The following DTNB variants were observed in gnomAD, a reference collection of about 807,000 sequenced individuals.
The protein encoded by DTNB is DTN-B.
In DTNB, 63 loss-of-function variants were observed where a neutral mutation model predicts 90.7. That is an observed-to-expected ratio of 0.69 (90% confidence interval 0.57 to 0.86). The LOEUF is 0.86. Among genes scored for constraint, DTNB ranks in the 40% least tolerant of loss-of-function variants. The pLI is 0.00. For synonymous variants in DTNB, 277 were observed against 286.7 expected, an observed-to-expected ratio of 0.97 and a Z score of 0.34; for missense variants, 744 against 807.1, an observed-to-expected ratio of 0.92 and a Z score of 0.95.
chr2:25,442,981 A>G (rs1366372754), intron 12 of DTNB, among the ~76,000 whole-genome samples: 1 of 152,236 alleles, frequency 6.6e-6, no homozygotes, highest in East Asian at 1.9e-4. Context: ...AGGTCAAAGC[A>G]GTCAGGCAGG....
rs551485046 is a variant in DTNB, at chr2:25,556,012, T to A, written c.876+20826A>T. On this transcript the variant is annotated intron_variant, in intron 8 of 20. Coordinates refer to ENST00000406818, the MANE Select transcript of DTNB (RefSeq NM_021907.5). ...TCCAGCTTGAGCAACAGAGTGAGAT[T>A]AAGTCTCAAAAAATATAAAAATAAA... 4.6e-5 allele frequency among the ~76,000 whole-genome samples: 7 copies of A among 152,108 alleles called. No homozygotes were observed. The South Asian group carries it at 1.5e-3, about 32-fold the overall frequency.
chr2:25,593,506 GT>G (rs1304689231), intron 6 of DTNB, among the ~76,000 whole-genome samples: 2 of 152,004 alleles, frequency 1.3e-5, no homozygotes, highest in Non-Finnish European at 2.9e-5. Context: ...TCCCCTGAGG[GT>G]TTTTTCTTTT....
At chr2:25,668,865 G>A (rs932732893) in intron 1 of DTNB, among the ~76,000 whole-genome samples, 42 of 146,292 alleles carry the variant, frequency 2.9e-4, no homozygotes, top group Middle Eastern at 3.6e-3. Context: ...TGGCCAAAAC[G>A]GGGAAACAAC....
In DTNB at chr2:25,628,220, C is replaced by T. The variant is rs1479864875; in HGVS notation, c.313G>A (p.Glu105Lys). The T allele has an allele frequency of 3.7e-6, 6 of 1,613,392 alleles. No homozygotes were observed. The East Asian group carries it at 1.1e-4, about 30-fold the overall frequency. The change falls in exon 4 of 21, where the codon GAA becomes AAA. Residue 105 changes from glutamate (E) to lysine (K), a missense_variant. Physicochemically the swap from Glu to Lys is moderately conservative, Grantham distance 56. Coordinates refer to ENST00000406818, the MANE Select transcript of DTNB (RefSeq NM_021907.5). Reference protein sequence around the residue: ...RLPSTHQISVEQSISLLLNFM... With the variant: ...RLPSTHQISVKQSISLLLNFM... ...TTGAGGAGGAGGCTGATAGATTGTT[C>T]CACACTAATTTGGTGAGTAGAAGGA...
intron 9 of DTNB, among the ~76,000 whole-genome samples, chr2:25,527,433 G>T (rs376247085): frequency 1.3e-5 from 2 of 151,966 alleles, no homozygotes; most frequent in Non-Finnish European, 2.9e-5. Flanking sequence ...TGAGGCAGAA[G>T]AATCACTTGA....
At chr2:25,524,773 G>A (rs759867648) in intron 9 of DTNB, among the ~76,000 whole-genome samples, 4 of 152,160 alleles carry the variant, frequency 2.6e-5, no homozygotes, top group African/African-American at 4.8e-5. Context: ...CTACACCATC[G>A]AACCACTGCC....
chr2:25,450,158 T>G (rs1358700230), intron 12 of DTNB, among the ~76,000 whole-genome samples: 1 of 152,228 alleles, frequency 6.6e-6, no homozygotes, highest in African/African-American at 2.4e-5. Flanking sequence ...ATACTTTTAG[T>G]AGCTTTATGG....
chr2:25,543,049 T>C (rs2081621300), intron 8 of DTNB, among the ~76,000 whole-genome samples: 1 of 152,206 alleles, frequency 6.6e-6, no homozygotes, highest in Non-Finnish European at 1.5e-5. Context: ...TGTCTTTTTA[T>C]CTTTGATAAA....
chr2:25,507,105 G>C (rs1163706810), intron 9 of DTNB, among the ~76,000 whole-genome samples: 1 of 152,168 alleles, frequency 6.6e-6, no homozygotes, highest in Non-Finnish European at 1.5e-5. Flanking sequence ...GTTTTCTCTT[G>C]TCTAAATATT....
chr2:25,557,980 A>G (rs920037946), intron 8 of DTNB, among the ~76,000 whole-genome samples: 7 of 152,216 alleles, frequency 4.6e-5, no homozygotes, highest in African/African-American at 1.4e-4. Context: ...GGAACTAAGA[A>G]CTGCAGAAAT....
chr2:25,550,635 T>C (rs2151100290), intron 8 of DTNB, among the ~76,000 whole-genome samples: 1 of 152,288 alleles, frequency 6.6e-6, no homozygotes, highest in African/African-American at 2.4e-5. Flanking sequence ...TGTTCTGAAA[T>C]AATTTTCAGA....
At chr2:25,378,358 C>A (rs1031255753) in intron 20 of DTNB, among the ~76,000 whole-genome samples, 1 of 152,162 alleles carries the variant, frequency 6.6e-6, no homozygotes, top group African/African-American at 2.4e-5. Flanking sequence ...CTCCTCAGCT[C>A]GCACAATCCA....
intron 1 of DTNB, among the ~76,000 whole-genome samples, chr2:25,661,843 C>G (rs1223789244): frequency 6.6e-6 from 1 of 152,054 alleles, no homozygotes; most frequent in African/African-American, 2.4e-5. Flanking sequence ...ACAGCAAAAG[C>G]AGTATCTAGT....
At chr2:25,414,489 C>T (rs1248604150) in intron 16 of DTNB, among the ~76,000 whole-genome samples, 3 of 152,110 alleles carry the variant, frequency 2.0e-5, no homozygotes, top group Non-Finnish European at 2.9e-5. Context: ...CTCCTGACCT[C>T]GTGATTCACC....
At chr2:25,524,112 G>A (rs1290792990) in intron 9 of DTNB, among the ~76,000 whole-genome samples, 1 of 151,914 alleles carries the variant, frequency 6.6e-6, no homozygotes, top group Non-Finnish European at 1.5e-5. Context: ...TGTTGGCCAG[G>A]CTGGTCTTGA....
At chr2:25,379,526 C>A in intron 19 of DTNB, 1 of 483,188 alleles carries the variant, frequency 2.1e-6, no homozygotes, top group East Asian at 3.5e-5. Context: ...CCCGAGGCAG[C>A]CATGGAGACA....
chr2:25,594,436 T>G (rs1219056793), intron 6 of DTNB, among the ~76,000 whole-genome samples: 1 of 152,234 alleles, frequency 6.6e-6, no homozygotes, highest in Admixed American at 6.5e-5. Context: ...GGTACCACCT[T>G]CAGTGCTAAA....
At chr2:25,551,614 A>T (rs898930611) in intron 8 of DTNB, among the ~76,000 whole-genome samples, 1 of 152,214 alleles carries the variant, frequency 6.6e-6, no homozygotes, top group Non-Finnish European at 1.5e-5. Flanking sequence ...TCACTTAAAG[A>T]TATCTTACAG....
intron 9 of DTNB, among the ~76,000 whole-genome samples, chr2:25,502,379 C>T (rs1334368830): frequency 1.3e-5 from 2 of 152,050 alleles, no homozygotes; most frequent in African/African-American, 4.8e-5. Context: ...CCCAGTGAAA[C>T]CATCATTTAA....
Sources: gnomAD v4.1 joint callset for allele counts (sites outside exome capture counted in the v4.1 genomes callset) on GRCh38, gnomAD v4.1.1 for gene constraint, MANE v1.5 for transcripts, NCBI Gene and HGNC (gene_info 2026-07-23, HGNC 2026-07-21) for gene names.